Variants in HSF2BP observed in about 807,000 individuals in gnomAD.
HSF2BP encodes heat shock factor 2-binding protein.
HSF2BP carries 35 observed loss-of-function variants against 35.0 expected under a neutral mutation model. That is an observed-to-expected ratio of 1.00 (90% CI 0.76 to 1.32). The LOEUF (loss-of-function observed/expected upper bound fraction) is 1.32. Among genes scored for constraint, HSF2BP ranks in the 40% most tolerant of loss-of-function variants. The probability of loss-of-function intolerance (pLI) is 0.00; values close to 1 mark genes in which losing one functional copy is unlikely to be tolerated. For synonymous variants in HSF2BP, 114 were observed against 117.4 expected, an observed-to-expected ratio of 0.97 and a Z score of 0.18; for missense variants, 326 against 321.7, an observed-to-expected ratio of 1.01 and a Z score of -0.10.
chr21:43,612,423 G>A (rs1156632929), intron 7 of HSF2BP, among the ~76,000 whole-genome samples: 3 of 152,086 alleles, frequency 2.0e-5, no homozygotes, highest in Non-Finnish European at 4.4e-5. Flanking sequence ...AGGCCAAGGC[G>A]GGTGGATCAC....
At chr21:43,645,634 T>G (rs182298439) in intron 3 of HSF2BP, among the ~76,000 whole-genome samples, 2 of 152,362 alleles carry the variant, frequency 1.3e-5, no homozygotes, top group Admixed American at 1.3e-4. Flanking sequence ...TCTGGTTATC[T>G]GTTTCATTCT....
chr21:43,652,418 AAAC>A (rs1568944580), intron 3 of HSF2BP, among the ~76,000 whole-genome samples: 3 of 151,778 alleles, frequency 2.0e-5, no homozygotes, highest in Non-Finnish European at 2.9e-5. Context: ...AAAAAAAAAA[AAAC>A]AACTGGAAGT....
chr21:43,581,393 A>G (rs1417672642), intron 8 of HSF2BP, among the ~76,000 whole-genome samples: 1 of 152,074 alleles, frequency 6.6e-6, no homozygotes, highest in Non-Finnish European at 1.5e-5. Context: ...CTCAAAAAAA[A>G]AAAAAGAAAG....
At chr21:43,657,967 G>A in intron 2 of HSF2BP, 94 bp downstream of exon 2, 1 of 1,525,236 alleles carries the variant, frequency 6.6e-7, no homozygotes, top group South Asian at 1.2e-5. Context: ...GCACGCGACA[G>A]CGAGCCGTCT....
chr21:43,658,420 A>G (rs2082911121), intron 1 of HSF2BP, 100 bp from the exon 2 acceptor site: 3 of 342,838 alleles, frequency 8.8e-6, no homozygotes, highest in Admixed American at 4.6e-5. Context: ...ACTAAGGGGG[A>G]CTGCGTTCAA....
At position 43,607,793 on chromosome 21, in the gene HSF2BP, C is replaced by CA. The variant is rs753560594; in HGVS notation, c.692+6036dup. 4.6e-5 allele frequency among the ~76,000 whole-genome samples: 7 copies of CA among 152,248 alleles called. No homozygotes were observed. In the South Asian group the frequency reaches 1.0e-3, roughly 23 times the overall value. ...ATACAGAACCCAGAAATTAAAGCTG[C>CA]ACACATACAGCCAATTGACCTTTGA... is the stretch of plus-strand genomic sequence containing the variant. On this transcript the variant is annotated intron_variant, in intron 7 of 8. Transcript: ENST00000291560.
At chr21:43,614,062 G>T (rs1405624673) in intron 6 of HSF2BP, 115 bp from the exon 7 acceptor site, 1 of 745,680 alleles carries the variant, frequency 1.3e-6, no homozygotes, top group African/African-American at 1.8e-5. Context: ...AGCTGAAAAT[G>T]AGGCATTTAT....
At chr21:43,631,518 A>T (rs967273443) in intron 5 of HSF2BP, among the ~76,000 whole-genome samples, 1 of 151,656 alleles carries the variant, frequency 6.6e-6, no homozygotes, top group African/African-American at 2.4e-5. Context: ...ATGTGCCACA[A>T]CTCCACCTCC....
intron 8 of HSF2BP, among the ~76,000 whole-genome samples, chr21:43,577,933 A>G (rs1413853817): frequency 1.3e-5 from 2 of 151,934 alleles, no homozygotes; most frequent in African/African-American, 4.8e-5. Flanking sequence ...TTGAGAATGT[A>G]CTTTGTGAGA....
chr21:43,626,921 G>A (rs1171707942), intron 6 of HSF2BP, among the ~76,000 whole-genome samples: 1 of 150,780 alleles, frequency 6.6e-6, no homozygotes. Flanking sequence ...AGGGTGGAGT[G>A]TAGTGGCACG....
intron 8 of HSF2BP, among the ~76,000 whole-genome samples, chr21:43,591,105 AAATT>A (rs1365593970): frequency 6.6e-6 from 1 of 152,248 alleles, no homozygotes; most frequent in Admixed American, 6.5e-5. Context: ...AAAATAAGGA[AAATT>A]AATTTATTTT....
At chr21:43,581,999 A>G (rs1432510328) in intron 8 of HSF2BP, among the ~76,000 whole-genome samples, 340 of 50,864 alleles carry the variant, frequency 6.7e-3, no homozygotes, top group Admixed American at 8.4e-3. Flanking sequence ...CTGCTGTGGG[A>G]GATGAGTGCC....
the HSF2BP span, among the ~76,000 whole-genome samples, chr21:43,468,038 CCA>C: frequency 7.3e-6 from 1 of 136,692 alleles, no homozygotes; most frequent in Non-Finnish European, 1.6e-5. Flanking sequence ...ACACACCACA[CCA>C]CACACAACCA....
rs113360295 is a variant in HSF2BP at position 43,655,026 on chromosome 21, G to A, written c.187+1561C>T. ...TCCCAAAGGCAGACTGTGATCAAGT[G>A]ACCACAGATTTGTTTGTGGCCCTCA... On this transcript the variant is annotated intron_variant, in intron 3 of 8. Transcript: ENST00000291560. Among the ~76,000 whole-genome samples the A allele has an allele frequency of 5.3e-3, 814 of 152,340 alleles. 8 individuals carry two copies. The highest frequency in any genetic ancestry group is 9.1e-3 in the Non-Finnish European group (622 of 68,034).
Position 43,592,277 on chromosome 21 carries a change from T to C in HSF2BP, c.744A>G (p.Lys248=). The change falls in exon 8 of 9, where the codon AAA becomes AAG. Residue 248 remains lysine (K), a synonymous_variant. Transcript: ENST00000291560. ...TGAATCCTGGACTCTCGCTGATGTATTTCAAGCCTTTCAAATTGATGCTTA... is the reference window on the plus strand; with the variant it reads ...TGAATCCTGGACTCTCGCTGATGTACTTCAAGCCTTTCAAATTGATGCTTA... The part of the protein sequence containing the change: ...YNVSINLKGL[K]YISESPGFIP... The C allele has an allele frequency of 6.2e-7, 1 of 1,613,944 alleles. No individual in the cohort carries two copies. Among genetic ancestry groups the C allele is most frequent in the Non-Finnish European group, 8.5e-7 (1 of 1,179,876 alleles).
chr21:43,594,324 GA>G (rs2081959926), intron 7 of HSF2BP, among the ~76,000 whole-genome samples: 2 of 152,156 alleles, frequency 1.3e-5, no homozygotes, highest in African/African-American at 2.4e-5. Context: ...TGAGTGTACA[GA>G]AGTAAACACT....
At chr21:43,599,793 CAA>C (rs926622917) in intron 7 of HSF2BP, among the ~76,000 whole-genome samples, 2 of 95,828 alleles carry the variant, frequency 2.1e-5, no homozygotes. Flanking sequence ...GACTCGGTCT[CAA>C]AAAAAAAAGG....
At chr21:43,608,267 A>C (rs893466862) in intron 7 of HSF2BP, among the ~76,000 whole-genome samples, 2 of 152,168 alleles carry the variant, frequency 1.3e-5, no homozygotes. Flanking sequence ...AAAACACACA[A>C]CCTCATTAAA....
At chr21:43,581,907 C>CCCTGCTGTGGGGGATGAGGG in intron 8 of HSF2BP, among the ~76,000 whole-genome samples, 1 of 57,120 alleles carries the variant, frequency 1.8e-5, no homozygotes, top group African/African-American at 7.7e-5. Flanking sequence ...GGGAATGAGG[C>CCCTGCTGTGGGGGATGAGGG]CCTGCTGTGG....
Sources: gnomAD v4.1 joint callset for allele counts (sites outside exome capture counted in the v4.1 genomes callset) on GRCh38, gnomAD v4.1.1 for gene constraint, MANE v1.5 for transcripts, NCBI Gene and HGNC (gene_info 2026-07-23, HGNC 2026-07-21) for gene names.